The following TLL1 variants were observed in gnomAD, a reference collection of about 807,000 sequenced individuals.
TLL1 encodes the protein tolloid-like protein 1.
TLL1 carries 49 observed loss-of-function variants against 128.2 expected under a neutral mutation model. The observed-to-expected ratio is 0.38, with a 90% CI of 0.30 to 0.48. The LOEUF is 0.48. Ranked by LOEUF, TLL1 falls within the 20% of genes least tolerant of loss-of-function variation. The pLI is 0.96. For missense variants in TLL1, 1,123 were observed against 1,242.0 expected, an observed-to-expected ratio of 0.90 and a Z score of 1.44; for synonymous variants, 454 against 418.8, an observed-to-expected ratio of 1.08 and a Z score of -1.03.
chr4:166,094,846 T>C (rs905275555), intron 19 of TLL1, among the ~76,000 whole-genome samples: 6 of 152,178 alleles, frequency 3.9e-5, no homozygotes, highest in African/African-American at 9.6e-5. Context: ...TCATTTATTC[T>C]ACTCTTTCAT....
chr4:165,933,865 G>C (rs1165310048), intron 1 of TLL1, among the ~76,000 whole-genome samples: 1 of 152,126 alleles, frequency 6.6e-6, no homozygotes, highest in Non-Finnish European at 1.5e-5. Flanking sequence ...TGATGTGGGA[G>C]CTGGGACACA....
intron 1 of TLL1, among the ~76,000 whole-genome samples, chr4:165,951,159 A>C (rs1734496874): frequency 6.6e-6 from 1 of 152,152 alleles, no homozygotes; most frequent in South Asian, 2.1e-4. Context: ...GAAATAGACA[A>C]ATTATTTGAA....
At chr4:166,090,447 T>G (rs1330368053) in intron 18 of TLL1, among the ~76,000 whole-genome samples, 1 of 152,036 alleles carries the variant, frequency 6.6e-6, no homozygotes. Flanking sequence ...CACAGGTAAA[T>G]TAGAATAGTT....
At chr4:165,991,674 T>A (rs1579591807) in intron 2 of TLL1, among the ~76,000 whole-genome samples, 1 of 151,600 alleles carries the variant, frequency 6.6e-6, no homozygotes, top group African/African-American at 2.4e-5. Context: ...CATTTTTTTT[T>A]AGCTTCAGTC....
chr4:165,952,869 C>A (rs1734591688), intron 1 of TLL1, among the ~76,000 whole-genome samples: 1 of 152,026 alleles, frequency 6.6e-6, no homozygotes, highest in Non-Finnish European at 1.5e-5. Context: ...CATCCCCCCA[C>A]TAAAGAGCAA....
intron 1 of TLL1, among the ~76,000 whole-genome samples, chr4:165,940,030 T>C (rs890356877): frequency 6.6e-6 from 1 of 152,042 alleles, no homozygotes; most frequent in Non-Finnish European, 1.5e-5. Flanking sequence ...CTACCTCTTA[T>C]ACATGGATAC....
intron 1 of TLL1, among the ~76,000 whole-genome samples, chr4:165,895,708 A>T (rs1268748236): frequency 6.7e-6 from 1 of 149,258 alleles, no homozygotes; most frequent in Non-Finnish European, 1.5e-5. Context: ...GGAACCTAGG[A>T]TAGGCAAAAT....
In TLL1 at chr4:165,910,079, C is replaced by T. The variant is rs543557899; in HGVS notation, c.169+36006C>T. On this transcript the variant is annotated intron_variant, in intron 1 of 20. Coordinates refer to ENST00000061240, the MANE Select transcript of TLL1 (RefSeq NM_012464.5). ...CATGATCTACAAGGACAGGAGGAAT[C>T]ACGCTGTGGTGAAAAGCACTAGCTG... Among the ~76,000 whole-genome samples the T allele has an allele frequency of 1.0e-3, 157 of 152,230 alleles. 1 individual carries two copies. Among genetic ancestry groups the T allele is most frequent in the Non-Finnish European group, 1.7e-3 (113 of 68,016 alleles).
chr4:165,892,721 G>C (rs376783185), intron 1 of TLL1, among the ~76,000 whole-genome samples: 5 of 152,184 alleles, frequency 3.3e-5, no homozygotes, highest in Non-Finnish European at 7.3e-5. Flanking sequence ...AAGCAACCCT[G>C]AGAATTATTC....
chr4:166,076,374 A>T (rs915410136), intron 17 of TLL1, among the ~76,000 whole-genome samples: 3 of 152,160 alleles, frequency 2.0e-5, no homozygotes, highest in African/African-American at 7.2e-5. Context: ...CACTTGGCCC[A>T]GGTTTTTATT....
intron 5 of TLL1, 124 bp downstream of exon 5, chr4:165,995,302 G>T (rs1736824192): frequency 5.2e-6 from 4 of 776,638 alleles, no homozygotes; most frequent in Admixed American, 1.9e-5. Flanking sequence ...AGAAAGTCTG[G>T]ATTTTCCATA....
At chr4:166,065,355 G>C (rs1186519843) in intron 15 of TLL1, among the ~76,000 whole-genome samples, 1 of 151,966 alleles carries the variant, frequency 6.6e-6, no homozygotes, top group Non-Finnish European at 1.5e-5. Context: ...GGTGTTTCTG[G>C]GAGACAGTAC....
intron 15 of TLL1, 40 bp downstream of exon 15, chr4:166,060,228 G>C (rs762234085): frequency 1.2e-6 from 2 of 1,602,518 alleles, no homozygotes; most frequent in Non-Finnish European, 8.5e-7. Flanking sequence ...ATCATGTTTT[G>C]GAACTCCCTG....
chr4:165,880,231 C>G (rs1268010569), intron 1 of TLL1, among the ~76,000 whole-genome samples: 14 of 152,166 alleles, frequency 9.2e-5, no homozygotes, highest in African/African-American at 3.4e-4. Flanking sequence ...TGTGGACTGG[C>G]TAATGGACTG....
At chr4:166,087,574 C>G (rs1011626470) in intron 18 of TLL1, among the ~76,000 whole-genome samples, 1 of 152,128 alleles carries the variant, frequency 6.6e-6, no homozygotes, top group Non-Finnish European at 1.5e-5. Flanking sequence ...TTGCATCAGT[C>G]TCTTTACTTC....
intron 1 of TLL1, among the ~76,000 whole-genome samples, chr4:165,951,847 C>A (rs1242845086): frequency 6.6e-6 from 1 of 152,058 alleles, no homozygotes; most frequent in Middle Eastern, 3.2e-3. Flanking sequence ...TCCATTATTA[C>A]CAAGTTAATC....
intron 2 of TLL1, among the ~76,000 whole-genome samples, chr4:165,990,999 A>T (rs1322852328): frequency 1.3e-5 from 2 of 151,978 alleles, no homozygotes; most frequent in Non-Finnish European, 2.9e-5. Flanking sequence ...GAGACAACGC[A>T]TTCTGGACAG....
chr4:166,017,196 C>G (rs1333730167), intron 8 of TLL1, among the ~76,000 whole-genome samples: 2 of 152,004 alleles, frequency 1.3e-5, no homozygotes, highest in Non-Finnish European at 2.9e-5. Flanking sequence ...GGTATTTGGT[C>G]TTCTGTTCCT....
intron 1 of TLL1, among the ~76,000 whole-genome samples, chr4:165,952,465 A>G (rs1477706748): frequency 6.6e-6 from 1 of 152,158 alleles, no homozygotes; most frequent in Non-Finnish European, 1.5e-5. Context: ...TATGGGATGA[A>G]GTAGACAGGG....
Sources: allele counts gnomAD v4.1 joint callset (sites outside exome capture counted in the v4.1 genomes callset), GRCh38; gene constraint gnomAD v4.1.1; transcripts MANE v1.5; gene names NCBI Gene and HGNC (gene_info 2026-07-23, HGNC 2026-07-21).